The following KCNG2 variants were observed in gnomAD, a reference collection of about 807,000 sequenced individuals.
KCNG2 encodes the protein voltage-gated potassium channel regulatory subunit KCNG2.
Under a neutral mutation model 12.3 loss-of-function variants are expected in KCNG2, and 7 were observed. The ratio of observed to expected loss-of-function variants is 0.57; its 90% confidence interval spans 0.32 to 1.07. The LOEUF is 1.07. Among genes scored for constraint, KCNG2 ranks in the 50% least tolerant of loss-of-function variants. The probability of loss-of-function intolerance (pLI) is 0.04; values close to 1 mark genes in which losing one functional copy is unlikely to be tolerated. For missense variants in KCNG2, 703 were observed against 726.0 expected (o/e 0.97, Z 0.36); for synonymous variants, 414 against 351.4 (o/e 1.18, Z -1.99).
chr18:79,891,285 C>T (rs1352662235), intron 3 of KCNG2, among the ~76,000 whole-genome samples: 2 of 151,624 alleles, frequency 1.3e-5, no homozygotes, highest in Non-Finnish European at 2.9e-5. Context: ...GGCTGGAGTA[C>T]AGTGGCACCA....
rs1032685820 is a variant in KCNG2 at position 79,854,060 on chromosome 18, G to A, written c.-114-2319G>A. On this transcript the variant is annotated intron_variant, in intron 1 of 3. Transcript: ENST00000316249. ...CCCTGCCTGGTTCCAACCCCGTTCT[G>A]CAGGCGGCCCCTGGGGAGCACTGGC... Among the ~76,000 whole-genome samples the A allele has an allele frequency of 9.9e-5, 15 of 152,264 alleles. 1 individual carries two copies. Among genetic ancestry groups the A allele is most frequent in the Admixed American group, 8.5e-4 (13 of 15,292 alleles).
chr18:79,896,949 G>A (rs1026865941), intron 3 of KCNG2, among the ~76,000 whole-genome samples: 5 of 152,086 alleles, frequency 3.3e-5, no homozygotes, highest in African/African-American at 4.8e-5. Flanking sequence ...TAAGTCAGCC[G>A]TTTATTTGTG....
At chr18:79,872,373 C>T (rs573993920) in intron 3 of KCNG2, among the ~76,000 whole-genome samples, 1 of 134,108 alleles carries the variant, frequency 7.5e-6, no homozygotes, top group South Asian at 2.6e-4. Context: ...GCAATCTCCA[C>T]CTCCCGGGTT....
intron 3 of KCNG2, among the ~76,000 whole-genome samples, chr18:79,883,003 G>T (rs1322621079): frequency 6.6e-6 from 1 of 152,254 alleles, no homozygotes; most frequent in African/African-American, 2.4e-5. Flanking sequence ...CGTACAGAGC[G>T]AGTGTTCAGC....
rs187473208 is a variant in KCNG2, at chr18:79,876,335, G to A, written c.624+12044G>A. On this transcript the variant is annotated intron_variant, in intron 3 of 3. Coordinates refer to ENST00000316249, the MANE Select transcript of KCNG2 (RefSeq NM_012283.2). ...GCCAGGCAGGGATGATCGGGCTGGCGCTGTGGAAAGTTGCAAGCACACTGT... is the reference window on the plus strand; with the variant it reads ...GCCAGGCAGGGATGATCGGGCTGGCACTGTGGAAAGTTGCAAGCACACTGT... 273 of 152,764 alleles carry A rather than the reference G, an allele frequency of 1.8e-3. 4 individuals carry two copies. Among genetic ancestry groups the A allele is most frequent in the East Asian group, 1.7e-3 (9 of 5,188 alleles). 9.5% of individuals were successfully genotyped at this position (152,764 alleles called of 1,614,324 possible). A position where few individuals can be genotyped will look rare whatever the true frequency, so the allele number is the denominator to read the frequency against.
At chr18:79,853,833 G>A (rs995218566) in intron 1 of KCNG2, among the ~76,000 whole-genome samples, 1 of 152,236 alleles carries the variant, frequency 6.6e-6, no homozygotes, top group African/African-American at 2.4e-5. Context: ...CAGGGCCCGA[G>A]ACGGGCGCCA....
chr18:79,814,958 A>G (rs2087518406), intron 1 of KCNG2, among the ~76,000 whole-genome samples: 1 of 151,258 alleles, frequency 6.6e-6, no homozygotes, highest in African/African-American at 2.4e-5. Context: ...TAGTAGTGTA[A>G]TTTCAAATAT....
At chr18:79,834,578 T>C (rs1403662083) in intron 1 of KCNG2, among the ~76,000 whole-genome samples, 1 of 152,166 alleles carries the variant, frequency 6.6e-6, no homozygotes, top group Non-Finnish European at 1.5e-5. Context: ...TATTTAATGG[T>C]ACTCAAACAA....
intron 3 of KCNG2, among the ~76,000 whole-genome samples, chr18:79,877,241 G>T (rs1292747194): frequency 6.6e-6 from 1 of 152,132 alleles, no homozygotes; most frequent in Non-Finnish European, 1.5e-5. Context: ...TTTCTTTCAG[G>T]TACTTAGGGA....
intron 3 of KCNG2, among the ~76,000 whole-genome samples, chr18:79,892,327 C>G (rs531393356): frequency 5.8e-4 from 88 of 152,302 alleles, no homozygotes; most frequent in African/African-American, 2.1e-3. Flanking sequence ...GTTTTAACGT[C>G]TACTTTGTCT....
In KCNG2 at chr18:79,828,868, CTA is replaced by C. The variant is rs143339789; in HGVS notation, c.-114-27509_-114-27508del. 3.3e-3 allele frequency among the ~76,000 whole-genome samples: 373 copies of C among 113,830 alleles called. 14 individuals carry two copies. The highest frequency in any genetic ancestry group is 0.012 in the African/African-American group (321 of 25,978). The allele number at this position is 113,830 out of a possible 152,430, so 74.7% of individuals were successfully genotyped here. ...TGTGCATGTGTCTGTGTGTGGGTGTCTATGTGTGCGTGTATGTAACATGTCCA... is the reference window on the plus strand; with the variant it reads ...TGTGCATGTGTCTGTGTGTGGGTGTCTGTGTGCGTGTATGTAACATGTCCA... On this transcript the variant is annotated intron_variant, in intron 1 of 3. Transcript: ENST00000316249.
intron 1 of KCNG2, among the ~76,000 whole-genome samples, chr18:79,825,075 C>T (rs1034348640): frequency 1.3e-5 from 1 of 79,480 alleles, no homozygotes; most frequent in Non-Finnish European, 2.9e-5. Context: ...CTCTGTAAAC[C>T]TGTCGGGGCT....
intron 1 of KCNG2, among the ~76,000 whole-genome samples, chr18:79,844,400 GTGGA>G (rs923349129): frequency 2.6e-5 from 4 of 152,134 alleles, no homozygotes; most frequent in Non-Finnish European, 1.5e-5. Flanking sequence ...GGGATTGGGG[GTGGA>G]GGAAGTGATG....
chr18:79,863,437 A>T (rs897432603), intron 2 of KCNG2, among the ~76,000 whole-genome samples, 191 bp from the exon 3 acceptor site: 19 of 152,182 alleles, frequency 1.2e-4, no homozygotes, highest in African/African-American at 4.6e-4. Context: ...GGTCCGCTGG[A>T]CGCTTGAGGG....
intron 3 of KCNG2, among the ~76,000 whole-genome samples, chr18:79,880,129 G>A (rs951863621): frequency 6.6e-6 from 1 of 152,096 alleles, no homozygotes; most frequent in African/African-American, 2.4e-5. Context: ...GGTTGAAGGT[G>A]GGGTGTGTGG....
intron 1 of KCNG2, among the ~76,000 whole-genome samples, chr18:79,834,471 C>G (rs1978312908): frequency 6.6e-6 from 1 of 152,140 alleles, no homozygotes; most frequent in Non-Finnish European, 1.5e-5. Context: ...AACACCAGGT[C>G]ATGGGCGACA....
At chr18:79,898,051 C>T (rs1034768993) in intron 3 of KCNG2, among the ~76,000 whole-genome samples, 3 of 152,206 alleles carry the variant, frequency 2.0e-5, no homozygotes, top group African/African-American at 4.8e-5. Flanking sequence ...TCCCCGGCAC[C>T]TTAGCCAGCG....
At chr18:79,836,697 G>A (rs1978328686) in intron 1 of KCNG2, among the ~76,000 whole-genome samples, 1 of 152,084 alleles carries the variant, frequency 6.6e-6, no homozygotes, top group Non-Finnish European at 1.5e-5. Context: ...ATGGCTGCAG[G>A]AGAGAGAGAG....
intron 1 of KCNG2, among the ~76,000 whole-genome samples, chr18:79,812,558 A>G (rs1406036724): frequency 2.0e-5 from 3 of 152,220 alleles, no homozygotes; most frequent in Admixed American, 6.5e-5. Flanking sequence ...CATTACAAAA[A>G]AAGAAAACTA....
Sources: allele counts gnomAD v4.1 joint callset (sites outside exome capture counted in the v4.1 genomes callset), GRCh38; gene constraint gnomAD v4.1.1; transcripts MANE v1.5; gene names NCBI Gene and HGNC (gene_info 2026-07-23, HGNC 2026-07-21).